Variants in TPRG1 observed in about 807,000 individuals in gnomAD.
TPRG1 encodes tumor protein p63 regulated 1.
TPRG1 carries 29 observed loss-of-function variants against 29.3 expected under a neutral mutation model. The ratio of observed to expected loss-of-function variants is 0.99; its 90% CI spans 0.74 to 1.35. The LOEUF (loss-of-function observed/expected upper bound fraction) is 1.35, where lower values mean the gene tolerates loss of function less well. Among genes scored for constraint, TPRG1 ranks in the 40% most tolerant of loss-of-function variants. The probability of loss-of-function intolerance (pLI) is 0.00; values close to 1 mark genes in which losing one functional copy is unlikely to be tolerated. For missense variants in TPRG1, 327 were observed against 335.0 expected (o/e 0.98, Z 0.19); for synonymous variants, 130 against 116.8 (o/e 1.11, Z -0.73).
chr3:189,146,351 A>T (rs1470945623), intron 3 of TPRG1, among the ~76,000 whole-genome samples: 1 of 152,186 alleles, frequency 6.6e-6, no homozygotes, highest in Non-Finnish European at 1.5e-5. Context: ...TCTCTGAGGG[A>T]TCTGAGGAAG....
intron 5 of TPRG1, among the ~76,000 whole-genome samples, chr3:189,158,534 G>T (rs1050195682): frequency 6.6e-6 from 1 of 152,052 alleles, no homozygotes; most frequent in Non-Finnish European, 1.5e-5. Context: ...GCTGGAACCC[G>T]GGAGGCTGAG....
intron 3 of TPRG1, chr3:189,132,799 A>T (rs1033712381): frequency 6.6e-6 from 1 of 152,206 alleles, no homozygotes; most frequent in Non-Finnish European, 1.5e-5. Context: ...TGTTTATTTT[A>T]AAAAGTTTTA....
chr3:189,214,977 C>T lies in TPRG1; in HGVS notation c.211-315C>T, dbSNP rs369328344. On this transcript the variant is annotated intron_variant, in intron 2 of 5. Transcript: ENST00000345063. ...GGTTTAATTTAAAAATGTACAGATT[C>T]CTAAAGGCTTTGAACTTTATAATGC... Among the ~76,000 whole-genome samples, 141 of 132,284 alleles carry T rather than the reference C, an allele frequency of 1.1e-3. 5 individuals are homozygous for T. In the Middle Eastern group the frequency reaches 0.02, roughly 19 times the overall value. The allele number at this position is 132,284 out of a possible 152,430, so 86.8% of individuals were successfully genotyped here.
intron 4 of TPRG1, among the ~76,000 whole-genome samples, chr3:189,094,876 G>C (rs1237060235): frequency 6.6e-6 from 1 of 152,140 alleles, no homozygotes; most frequent in East Asian, 1.9e-4. Flanking sequence ...CTTCCTCCTT[G>C]CTCTGGTCGA....
At chr3:189,087,851 G>T (rs552446277) in intron 4 of TPRG1, among the ~76,000 whole-genome samples, 99 of 152,208 alleles carry the variant, frequency 6.5e-4, no homozygotes, top group African/African-American at 2.3e-3. Flanking sequence ...GCTCTGTTCT[G>T]TTCCATTGGT....
At chr3:189,206,047 T>TTCCTTCCTTCCTTC (rs1216401377) in intron 1 of TPRG1, among the ~76,000 whole-genome samples, 11 of 53,710 alleles carry the variant, frequency 2.0e-4, no homozygotes, top group African/African-American at 1.0e-3. Context: ...TTCCTTCCTT[T>TTCCTTCCTTCCTTC]CTTCTGTCTT....
intron 2 of TPRG1, among the ~76,000 whole-genome samples, chr3:189,130,147 G>A (rs576237065): frequency 2.6e-5 from 4 of 152,210 alleles, no homozygotes; most frequent in African/African-American, 9.6e-5. Flanking sequence ...CATGATGTAT[G>A]TACAGATCTT....
intron 4 of TPRG1, among the ~76,000 whole-genome samples, chr3:189,249,179 C>T (rs946564692): frequency 2.0e-5 from 3 of 151,290 alleles, no homozygotes; most frequent in Non-Finnish European, 3.0e-5. Context: ...ATATATATGG[C>T]TACTTGATTT....
intron 3 of TPRG1, among the ~76,000 whole-genome samples, chr3:189,224,883 A>G (rs1264426147): frequency 1.3e-5 from 2 of 151,688 alleles, no homozygotes; most frequent in East Asian, 3.9e-4. Flanking sequence ...CATGGGAACC[A>G]GCTCTTACCC....
At chr3:189,155,926 T>C (rs886807249) in intron 5 of TPRG1, among the ~76,000 whole-genome samples, 2 of 152,214 alleles carry the variant, frequency 1.3e-5, no homozygotes, top group African/African-American at 2.4e-5. Context: ...ATGGTGACTA[T>C]AGTTAATAAT....
rs1321160285 is a variant in TPRG1, at chr3:189,107,280, A to G, written c.-744+7076A>G. Among the ~76,000 whole-genome samples, 7 of 152,176 alleles carry G rather than the reference A, an allele frequency of 4.6e-5. No homozygotes were observed. In the South Asian group the frequency reaches 1.4e-3, roughly 31 times the overall value. On this transcript the variant is annotated intron_variant, in intron 1 of 6. Transcript: ENST00000412373. ...GCCTTCAGGACCTCAGGCAGCCTAT[A>G]TGCAATATATCTTGCTTAAAGGCAG...
At chr3:189,168,463 C>T (rs769253574), upstream of TPRG1, among the ~76,000 whole-genome samples, 2 of 152,156 alleles carry the variant, frequency 1.3e-5, no homozygotes, top group Non-Finnish European at 2.9e-5. Context: ...TTCGTTTACT[C>T]ATCCACCCAT....
intron 5 of TPRG1, among the ~76,000 whole-genome samples, chr3:189,166,153 C>T (rs1728138996): frequency 6.6e-6 from 1 of 152,246 alleles, no homozygotes; most frequent in Admixed American, 6.5e-5. Flanking sequence ...CTTTAAACTT[C>T]AGACATTCCA....
intron 4 of TPRG1, among the ~76,000 whole-genome samples, chr3:189,149,021 C>T (rs1167134467): frequency 6.6e-6 from 1 of 152,212 alleles, no homozygotes; most frequent in East Asian, 1.9e-4. Context: ...CTGGTGTTAG[C>T]ACCAGCTTCG....
intron 1 of TPRG1, among the ~76,000 whole-genome samples, chr3:189,110,297 A>G (rs968431619): frequency 6.6e-6 from 1 of 152,230 alleles, no homozygotes; most frequent in African/African-American, 2.4e-5. Flanking sequence ...TGTTAAGTGC[A>G]TAACAGTATC....
chr3:189,007,996 A>C (rs1406798299), intron 3 of TPRG1, among the ~76,000 whole-genome samples: 1 of 150,694 alleles, frequency 6.6e-6, no homozygotes, highest in African/African-American at 2.5e-5. Flanking sequence ...ATGTATACAT[A>C]TGTAACTAAC....
intron 5 of TPRG1, among the ~76,000 whole-genome samples, chr3:189,164,489 T>C (rs906525692): frequency 1.3e-5 from 2 of 152,130 alleles, no homozygotes; most frequent in African/African-American, 4.8e-5. Flanking sequence ...ATTGGGACAA[T>C]TTTTGGCTCG....
intron 4 of TPRG1, among the ~76,000 whole-genome samples, chr3:189,047,560 T>C (rs756516548): frequency 6.6e-6 from 1 of 152,212 alleles, no homozygotes; most frequent in Non-Finnish European, 1.5e-5. Context: ...GCCACATCAA[T>C]TGACTCTTCT....
chr3:189,321,497 C>T lies in TPRG1; in HGVS notation c.*677C>T, dbSNP rs1332936864. 2 of 152,124 alleles carry T rather than the reference C, an allele frequency of 1.3e-5. No individual in the cohort carries two copies. The highest frequency in any genetic ancestry group is 4.8e-5 in the African/African-American group (2 of 41,512). The allele number at this position is 152,124 out of a possible 1,614,324, so 9.4% of individuals were successfully genotyped here. On this transcript the variant is annotated 3_prime_UTR_variant, in exon 6 of 6. Transcript: ENST00000345063. ...TCTCTATACGGCTTAGCATTGTATTCCGATGCCCAGATGTCAAACTTGAAG... is the reference window on the plus strand; with the variant it reads ...TCTCTATACGGCTTAGCATTGTATTTCGATGCCCAGATGTCAAACTTGAAG...
Sources: gnomAD v4.1 joint callset for allele counts (sites outside exome capture counted in the v4.1 genomes callset) on GRCh38, gnomAD v4.1.1 for gene constraint, MANE v1.5 for transcripts, NCBI Gene and HGNC (gene_info 2026-07-23, HGNC 2026-07-21) for gene names.